CSMD1: variants seen among roughly 807,000 people sequenced by gnomAD.
The protein encoded by CSMD1 is CUB and Sushi multiple domains 1.
A neutral mutation model predicts 417.5 loss-of-function variants in CSMD1; 213 were observed. The ratio of observed to expected loss-of-function variants is 0.51; its 90% CI spans 0.46 to 0.57. The LOEUF (loss-of-function observed/expected upper bound fraction) is 0.57. Ranked by LOEUF, CSMD1 falls within the 20% of genes least tolerant of loss-of-function variation. The probability of loss-of-function intolerance (pLI) is 0.00; values close to 1 mark genes in which losing one functional copy is unlikely to be tolerated. For missense variants in CSMD1, 6,923 were observed against 4,529.7 expected, an observed-to-expected ratio of 1.53 and a Z score of -15.17; for synonymous variants, 2,862 against 1,736.8, an observed-to-expected ratio of 1.65 and a Z score of -16.11.
At position 2,965,755 on chromosome 8, in the gene CSMD1, CAA is replaced by C. The variant is rs1234425664; in HGVS notation, c.9280+18_9280+19del. ...GACTTCTATACACATCTGTAAAATCCAAAGAGTCACCAAACAAACCTTTGCAG... is the reference window on the plus strand; with the variant it reads ...GACTTCTATACACATCTGTAAAATCCAGAGTCACCAAACAAACCTTTGCAG... On this transcript the variant is annotated intron_variant, in intron 59 of 69. Transcript: ENST00000635120. The C allele has an allele frequency of 5.7e-6, 9 of 1,583,732 alleles. No homozygotes were observed. The Admixed American group carries it at 8.9e-5, about 16-fold the overall frequency.
chr8:4,043,292 C>T (rs908546079), intron 3 of CSMD1, among the ~76,000 whole-genome samples: 1 of 151,858 alleles, frequency 6.6e-6, no homozygotes, highest in Middle Eastern at 3.2e-3. Flanking sequence ...AGTACCCAAT[C>T]CAACAAAAGG....
chr8:4,576,165 GT>G (rs1700296153), intron 2 of CSMD1, among the ~76,000 whole-genome samples: 1 of 152,206 alleles, frequency 6.6e-6, no homozygotes, highest in Admixed American at 6.5e-5. Context: ...GGACTGTCGA[GT>G]TATGTGCACT....
At chr8:4,025,938 A>C (rs1797042705) in intron 4 of CSMD1, among the ~76,000 whole-genome samples, 1 of 152,106 alleles carries the variant, frequency 6.6e-6, no homozygotes, top group South Asian at 2.1e-4. Context: ...AGTTTGAATA[A>C]ATTATAAACT....
At chr8:3,266,789 A>G (rs1801463416) in intron 26 of CSMD1, among the ~76,000 whole-genome samples, 1 of 151,298 alleles carries the variant, frequency 6.6e-6, no homozygotes, top group Non-Finnish European at 1.5e-5. Flanking sequence ...AAAATCAAAA[A>G]AAAAAAAAAA....
intron 3 of CSMD1, among the ~76,000 whole-genome samples, chr8:4,304,367 A>C (rs13279918): frequency 0.76 from 115,036 of 151,640 alleles, 43,695 homozygotes; most frequent in East Asian, 0.85. Context: ...TTGATTATCA[A>C]AGTGAGCTCA....
intron 2 of CSMD1, among the ~76,000 whole-genome samples, chr8:4,443,919 A>C (rs1798628108): frequency 6.6e-6 from 1 of 152,174 alleles, no homozygotes; most frequent in African/African-American, 2.4e-5. Flanking sequence ...TCCTCATAAG[A>C]AATGCGTACA....
intron 7 of CSMD1, among the ~76,000 whole-genome samples, chr8:3,637,935 A>G (rs1563221618): frequency 6.6e-6 from 1 of 152,216 alleles, no homozygotes; most frequent in Non-Finnish European, 1.5e-5. Flanking sequence ...CATGTAAGAC[A>G]TGACTTTGGT....
intron 2 of CSMD1, among the ~76,000 whole-genome samples, chr8:4,509,970 ACCCAAATCTCATGGTGAAATGTAACT>A (rs1563243629): frequency 6.6e-6 from 1 of 152,072 alleles, no homozygotes; most frequent in Non-Finnish European, 1.5e-5. Context: ...CTGTGTCTCC[ACCCAAATCTCATGGTGAAATGTAACT>A]CCCATAATTC....
intron 12 of CSMD1, among the ~76,000 whole-genome samples, chr8:3,413,406 A>C (rs1259182949): frequency 6.6e-6 from 1 of 152,138 alleles, no homozygotes; most frequent in Non-Finnish European, 1.5e-5. Flanking sequence ...AAAGAGGCTG[A>C]TGTTTGTTTA....
At chr8:3,505,015 TAA>T (rs34809370) in intron 10 of CSMD1, among the ~76,000 whole-genome samples, 92,474 of 150,006 alleles carry the variant, frequency 0.62, 28,473 homozygotes, top group East Asian at 0.77. Context: ...GAGAAACAGT[TAA>T]AAAAAAAAAA....
At chr8:3,508,056 G>C (rs920538699) in intron 10 of CSMD1, among the ~76,000 whole-genome samples, 6 of 151,962 alleles carry the variant, frequency 3.9e-5, no homozygotes, top group African/African-American at 1.2e-4. Flanking sequence ...CATTGCTTTT[G>C]GTGTTTTAGA....
intron 4 of CSMD1, among the ~76,000 whole-genome samples, chr8:4,018,495 G>A (rs1047073100): frequency 2.6e-5 from 4 of 152,076 alleles, no homozygotes; most frequent in African/African-American, 7.2e-5. Flanking sequence ...GGTGGAGGAA[G>A]GGGAGGCAGC....
chr8:4,268,876 G>A (rs1224054033), intron 3 of CSMD1, among the ~76,000 whole-genome samples: 2 of 152,090 alleles, frequency 1.3e-5, no homozygotes, highest in African/African-American at 2.4e-5. Context: ...TTTCCACATA[G>A]AATGTTTATT....
At chr8:4,618,461 C>G (rs908000633) in intron 2 of CSMD1, among the ~76,000 whole-genome samples, 1 of 151,552 alleles carries the variant, frequency 6.6e-6, no homozygotes, top group African/African-American at 2.4e-5. Flanking sequence ...GACCTAAGGC[C>G]TATTTTATAT....
chr8:4,881,520 A>G (rs1366571066), intron 1 of CSMD1, among the ~76,000 whole-genome samples: 3 of 133,934 alleles, frequency 2.2e-5, no homozygotes, highest in African/African-American at 8.6e-5. Context: ...TCCAGGTCAG[A>G]AACTCGAAGT....
At chr8:3,287,214 A>G (rs1333773037) in intron 25 of CSMD1, among the ~76,000 whole-genome samples, 2 of 139,522 alleles carry the variant, frequency 1.4e-5, no homozygotes, top group Non-Finnish European at 3.1e-5. Flanking sequence ...GCCTTGTAGT[A>G]CAGTTTGAAG....
Position 3,028,792 on chromosome 8 carries a change from A to C in CSMD1, c.7855+527T>G, listed in dbSNP as rs572413853. ...ATCAAGTAAAGATTGTATACTAGAC[A>C]CATCTGATTCAGAGTGCTCTGAACA... On this transcript the variant is annotated intron_variant, in intron 51 of 69. Coordinates refer to ENST00000635120, the MANE Select transcript of CSMD1 (RefSeq NM_033225.6). Among the ~76,000 whole-genome samples, 17 of 152,332 alleles carry C rather than the reference A, an allele frequency of 1.1e-4. No homozygotes were observed. In the South Asian group the frequency reaches 3.1e-3, roughly 28 times the overall value.
At chr8:3,987,732 G>C (rs976317067) in intron 5 of CSMD1, among the ~76,000 whole-genome samples, 4 of 152,292 alleles carry the variant, frequency 2.6e-5, no homozygotes, top group African/African-American at 7.2e-5. Context: ...GCAGCATAAA[G>C]TGCAAAATGG....
intron 3 of CSMD1, among the ~76,000 whole-genome samples, chr8:4,165,162 T>A (rs549766697): frequency 1.3e-5 from 2 of 152,296 alleles, no homozygotes; most frequent in African/African-American, 4.8e-5. Context: ...CACTGCTTAA[T>A]ATGATACCTA....
Sources: gnomAD v4.1 joint callset for allele counts (sites outside exome capture counted in the v4.1 genomes callset) on GRCh38, gnomAD v4.1.1 for gene constraint, MANE v1.5 for transcripts, NCBI Gene and HGNC (gene_info 2026-07-23, HGNC 2026-07-21) for gene names.